Variants in FRMPD4 observed in about 807,000 individuals in gnomAD.
FRMPD4 encodes the protein FERM and PDZ domain containing 4, also known as FERM and PDZ domain-containing protein 4.
In FRMPD4, 22 loss-of-function variants were observed where a neutral mutation model predicts 94.1. The observed-to-expected ratio is 0.23, with a 90% confidence interval of 0.17 to 0.33. The LOEUF is 0.33. Ranked by LOEUF, FRMPD4 falls within the 10% of genes least tolerant of loss-of-function variation. FRMPD4 has a pLI of 1.00. For missense variants in FRMPD4, 1,111 were observed against 1,339.9 expected (o/e 0.83, Z 2.67); for synonymous variants, 631 against 548.6 (o/e 1.15, Z -2.10).
chrX:11,840,773 T>A (rs1055741710), intron 1 of FRMPD4, among the ~76,000 whole-genome samples: 9 of 108,689 alleles, frequency 8.3e-5, no homozygotes, highest in Admixed American at 2.0e-4. Flanking sequence ...CTTTAAGTTT[T>A]AGGGTACATG....
Position 12,622,015 on chromosome X carries a change from A to AAAGAAAGGAAGG in FRMPD4, c.422+7137_422+7138insAAAGGAAGGAAG, listed in dbSNP as rs1398888625. Among the ~76,000 whole-genome samples the AAAGAAAGGAAGG allele has an allele frequency of 6.9e-3, 152 of 21,960 alleles. 1 individual carries two copies. The highest frequency in any genetic ancestry group is 0.011 in the Non-Finnish European group (127 of 12,066). 19.1% of individuals were successfully genotyped at this position (21,960 alleles called of 115,157 possible). The stretch of plus-strand genomic sequence containing the variant: ...GAAAGAAAGAAAGAAAGAAAGAAAG[A>AAAGAAAGGAAGG]AAGGAAGGAAGGAAGGAAGGAAGGA... On this transcript the variant is annotated intron_variant, in intron 4 of 16. Transcript: ENST00000675598.
In FRMPD4 at chrX:12,037,139, C is replaced by T. The variant is rs887719284; in HGVS notation, c.95+159121C>T. Among the ~76,000 whole-genome samples, 3 of 111,656 alleles carry T rather than the reference C, an allele frequency of 2.7e-5. 1 individual carries two copies. The Admixed American group carries it at 2.9e-4, about 11-fold the overall frequency. ...TCCTCATACAGGCAATGTATTGACTCATGAAACTTCCAGGTAGTTCTCCAA... is the reference window on the plus strand; with the variant it reads ...TCCTCATACAGGCAATGTATTGACTTATGAAACTTCCAGGTAGTTCTCCAA... On this transcript the variant is annotated intron_variant, in intron 3 of 18. Transcript: ENST00000640291.
At chrX:12,547,002 C>T (rs1405569638) in intron 2 of FRMPD4, among the ~76,000 whole-genome samples, 1 of 56,374 alleles carries the variant, frequency 1.8e-5, no homozygotes, top group Non-Finnish European at 2.9e-5. Context: ...CAGAGCAAGA[C>T]TGTCTCTTTA....
intron 2 of FRMPD4, among the ~76,000 whole-genome samples, chrX:12,548,824 G>T (rs1393091558): frequency 1.8e-5 from 2 of 111,646 alleles, no homozygotes; most frequent in African/African-American, 6.5e-5. Flanking sequence ...ATGGGTTGGG[G>T]AAGTAGCTAA....
intron 1 of FRMPD4, among the ~76,000 whole-genome samples, chrX:12,256,997 C>A (rs1240481550): frequency 1.8e-5 from 2 of 111,785 alleles, no homozygotes; most frequent in Non-Finnish European, 3.8e-5. Context: ...AAATATTTTC[C>A]AGAAAAGATG....
intron 1 of FRMPD4, among the ~76,000 whole-genome samples, chrX:12,280,395 C>T (rs937909525): frequency 1.8e-5 from 2 of 109,908 alleles, no homozygotes; most frequent in Admixed American, 1.9e-4. Flanking sequence ...TGGGAGTGTT[C>T]AGGAAAGGGA....
intron 1 of FRMPD4, among the ~76,000 whole-genome samples, chrX:12,345,143 T>TGGAA (rs2055684261): frequency 9.7e-6 from 1 of 102,960 alleles, no homozygotes; most frequent in South Asian, 4.2e-4. Flanking sequence ...GATGGATGGA[T>TGGAA]GGATGGATGG....
At chrX:11,877,849 C>T (rs2053793816) in intron 2 of FRMPD4, among the ~76,000 whole-genome samples, 1 of 111,755 alleles carries the variant, frequency 8.9e-6, no homozygotes, top group South Asian at 3.8e-4. Flanking sequence ...TACAATCATT[C>T]TTCTTATAAA....
chrX:11,978,314 T>G (rs1346849984), intron 3 of FRMPD4, among the ~76,000 whole-genome samples: 1 of 47,487 alleles, frequency 2.1e-5, no homozygotes, highest in Non-Finnish European at 3.3e-5. Context: ...AGAGTGAAAC[T>G]CCATCTCAAA....
intron 3 of FRMPD4, among the ~76,000 whole-genome samples, chrX:11,983,553 T>A (rs1264141452): frequency 8.9e-6 from 1 of 112,223 alleles, no homozygotes; most frequent in African/African-American, 3.2e-5. Context: ...TTTTTCATAA[T>A]TTAACTCAGC....
chrX:12,184,304 G>A (rs1009191859), intron 1 of FRMPD4, among the ~76,000 whole-genome samples: 1 of 111,485 alleles, frequency 9.0e-6, no homozygotes, highest in Non-Finnish European at 1.9e-5. Flanking sequence ...AGATATTACA[G>A]AGATGGCATT....
intron 1 of FRMPD4, among the ~76,000 whole-genome samples, chrX:11,853,097 C>A (rs1410899709): frequency 4.5e-5 from 5 of 112,040 alleles, no homozygotes; most frequent in African/African-American, 1.6e-4. Context: ...CTAAGAAACT[C>A]AAAACCATAC....
intron 4 of FRMPD4, among the ~76,000 whole-genome samples, chrX:12,645,347 C>CTTTTTTTTTTTTTTTTTTT (rs138817056): frequency 3.6e-5 from 2 of 55,628 alleles, no homozygotes; most frequent in African/African-American, 1.7e-4. Context: ...CACTCTCACT[C>CTTTTTTTTTTTTTTTTTTT]TTTTTTTTTT....
intron 3 of FRMPD4, among the ~76,000 whole-genome samples, chrX:11,891,823 G>A (rs1255870960): frequency 2.7e-5 from 3 of 112,221 alleles, no homozygotes; most frequent in African/African-American, 9.7e-5. Context: ...TTTGATAAAT[G>A]TCATTTAGTA....
intron 1 of FRMPD4, among the ~76,000 whole-genome samples, chrX:12,253,526 C>G (rs996397315): frequency 8.9e-6 from 1 of 111,998 alleles, no homozygotes; most frequent in Non-Finnish European, 1.9e-5. Flanking sequence ...CAGCTAATGT[C>G]ATTACCCTCT....
chrX:11,919,778 A>G (rs1197914832), intron 3 of FRMPD4, among the ~76,000 whole-genome samples: 1 of 111,614 alleles, frequency 9.0e-6, no homozygotes, highest in Admixed American at 9.5e-5. Context: ...TCTTTACAAA[A>G]TTTCTCCCTT....
At chrX:11,879,348 T>C (rs1482080932) in intron 3 of FRMPD4, among the ~76,000 whole-genome samples, 1 of 111,940 alleles carries the variant, frequency 8.9e-6, no homozygotes, top group Admixed American at 9.6e-5. Flanking sequence ...GTGCCTCCTA[T>C]CTTTCCTAAT....
intron 2 of FRMPD4, among the ~76,000 whole-genome samples, chrX:12,540,046 T>A (rs1266180365): frequency 8.9e-6 from 1 of 111,924 alleles, no homozygotes; most frequent in African/African-American, 3.3e-5. Context: ...TGCTGAGAGA[T>A]TCTGTCACCA....
intron 3 of FRMPD4, chrX:12,054,919 G>A (rs1480226324): frequency 2.7e-5 from 3 of 111,358 alleles, no homozygotes; most frequent in Non-Finnish European, 3.8e-5. Flanking sequence ...ATTACCTTTG[G>A]GCCAGCCAAA....
Sources: gnomAD v4.1 joint callset for allele counts (sites outside exome capture counted in the v4.1 genomes callset) on GRCh38, gnomAD v4.1.1 for gene constraint, MANE v1.5 for transcripts, NCBI Gene and HGNC (gene_info 2026-07-23, HGNC 2026-07-21) for gene names.